Variants in KALRN observed in about 807,000 individuals in gnomAD.
The protein encoded by KALRN is kalirin RhoGEF kinase, also known as kalirin.
In KALRN, 70 loss-of-function variants were observed where a neutral mutation model predicts 353.7. That is an observed-to-expected ratio of 0.20 (90% confidence interval 0.16 to 0.24). The LOEUF is 0.24. Ranked by LOEUF, KALRN falls within the 10% of genes least tolerant of loss-of-function variation. The probability of loss-of-function intolerance (pLI) is 1.00; values close to 1 mark genes in which losing one functional copy is unlikely to be tolerated. For missense variants in KALRN, 2,791 were observed against 3,756.7 expected (o/e 0.74, Z 6.72); for synonymous variants, 1,391 against 1,434.8 (o/e 0.97, Z 0.69).
At chr3:124,661,078 C>T in intron 44 of KALRN, 105 bp downstream of exon 44, 1 of 857,420 alleles carries the variant, frequency 1.2e-6, no homozygotes, top group Non-Finnish European at 2.0e-6. Context: ...CCAGGTGGAC[C>T]CCTCTCAGAC....
chr3:124,399,657 G>A (rs933504208), intron 13 of KALRN, among the ~76,000 whole-genome samples: 1 of 152,182 alleles, frequency 6.6e-6, no homozygotes, highest in African/African-American at 2.4e-5. Flanking sequence ...CACAGGAAGG[G>A]GAACCTGTAT....
chr3:124,057,783 T>C (rs977053149), intron 1 of KALRN, among the ~76,000 whole-genome samples: 3 of 152,162 alleles, frequency 2.0e-5, no homozygotes, highest in Non-Finnish European at 2.9e-5. Context: ...GGACCCGCTG[T>C]CCTTTCCATC....
At chr3:124,312,303 G>C (rs1294422931) in intron 6 of KALRN, among the ~76,000 whole-genome samples, 1 of 152,148 alleles carries the variant, frequency 6.6e-6, no homozygotes, top group African/African-American at 2.4e-5. Flanking sequence ...TGGGATTACA[G>C]GCACCCGCCA....
intron 27 of KALRN, among the ~76,000 whole-genome samples, chr3:124,480,003 G>A (rs1162355451): frequency 2.0e-5 from 3 of 152,124 alleles, no homozygotes; most frequent in Admixed American, 6.6e-5. Flanking sequence ...GACTACAGGC[G>A]TGAGCCACCG....
chr3:124,107,472 G>T (rs2149471966), intron 1 of KALRN, among the ~76,000 whole-genome samples: 1 of 152,324 alleles, frequency 6.6e-6, no homozygotes, highest in South Asian at 2.1e-4. Flanking sequence ...AGACAATGTG[G>T]TTGGAACGCA....
intron 1 of KALRN, among the ~76,000 whole-genome samples, chr3:124,221,495 C>T (rs1347513899): frequency 6.6e-6 from 1 of 152,130 alleles, no homozygotes; most frequent in Non-Finnish European, 1.5e-5. Context: ...CACATAAATG[C>T]CATTCAGGAG....
At chr3:124,301,839 A>G (rs1367711224) in intron 6 of KALRN, among the ~76,000 whole-genome samples, 1 of 152,188 alleles carries the variant, frequency 6.6e-6, no homozygotes, top group African/African-American at 2.4e-5. Flanking sequence ...AATTATACAC[A>G]CACATATACA....
intron 1 of KALRN, among the ~76,000 whole-genome samples, chr3:124,041,455 T>G (rs2039960089): frequency 6.6e-6 from 1 of 152,244 alleles, no homozygotes; most frequent in South Asian, 2.1e-4. Context: ...TGATTTAATC[T>G]GATTTCCATG....
intron 50 of KALRN, chr3:124,678,550 T>C (rs1280584661): frequency 2.7e-6 from 1 of 376,078 alleles, no homozygotes; most frequent in Non-Finnish European, 5.0e-6. Flanking sequence ...TTTCTCTTTA[T>C]ACTGTGCAGA....
intron 1 of KALRN, among the ~76,000 whole-genome samples, chr3:124,054,841 T>C (rs957660504): frequency 3.3e-5 from 5 of 152,228 alleles, no homozygotes; most frequent in Non-Finnish European, 5.9e-5. Context: ...CTAATTAACA[T>C]TGGTTAAATT....
intron 34 of KALRN, among the ~76,000 whole-genome samples, chr3:124,574,655 C>T (rs1392405648): frequency 6.6e-6 from 1 of 152,180 alleles, no homozygotes; most frequent in Non-Finnish European, 1.5e-5. Flanking sequence ...ACAGAATGTT[C>T]CCCCAGAGGA....
intron 1 of KALRN, among the ~76,000 whole-genome samples, chr3:124,199,586 A>T (rs889247096): frequency 3.3e-5 from 5 of 152,240 alleles, no homozygotes; most frequent in African/African-American, 1.2e-4. Context: ...ACCATGCTAA[A>T]TGCTGAGAAA....
intron 34 of KALRN, among the ~76,000 whole-genome samples, chr3:124,615,843 T>C (rs1292852218): frequency 6.6e-6 from 1 of 152,096 alleles, no homozygotes; most frequent in Non-Finnish European, 1.5e-5. Flanking sequence ...AAGTGTAGGA[T>C]GAAACACTGA....
At chr3:124,166,980 G>C (rs1200476534) in intron 1 of KALRN, among the ~76,000 whole-genome samples, 1 of 152,144 alleles carries the variant, frequency 6.6e-6, no homozygotes, top group Non-Finnish European at 1.5e-5. Flanking sequence ...GGGAGGCAGA[G>C]GTTGCAGTGA....
chr3:124,545,482 G>C (rs1031997104), intron 33 of KALRN, among the ~76,000 whole-genome samples: 1 of 151,992 alleles, frequency 6.6e-6, no homozygotes, highest in East Asian at 1.9e-4. Flanking sequence ...TTTTTTTCAA[G>C]AATCCATTTC....
chr3:124,091,430 A>G (rs938189291), intron 1 of KALRN, among the ~76,000 whole-genome samples: 51 of 152,090 alleles, frequency 3.4e-4, no homozygotes, highest in African/African-American at 1.2e-3. Flanking sequence ...GATTTGGGAT[A>G]TGGTTGGATC....
chr3:124,480,502 A>G (rs867324758), intron 27 of KALRN, among the ~76,000 whole-genome samples: 1 of 152,170 alleles, frequency 6.6e-6, no homozygotes, highest in Middle Eastern at 3.2e-3. Context: ...ATGCCCCTAC[A>G]TTGCATACCT....
intron 29 of KALRN, among the ~76,000 whole-genome samples, chr3:124,489,327 C>CA (rs901570293): frequency 2.6e-5 from 4 of 152,086 alleles, no homozygotes; most frequent in African/African-American, 7.2e-5. Context: ...AACAAACAAA[C>CA]AAAAAGACTT....
chr3:124,469,551 A>G (rs903163356), intron 25 of KALRN, among the ~76,000 whole-genome samples: 2 of 152,176 alleles, frequency 1.3e-5, no homozygotes, highest in African/African-American at 4.8e-5. Context: ...GATTCTTTAG[A>G]AATAATCTCT....
Sources: gnomAD v4.1 joint callset for allele counts (sites outside exome capture counted in the v4.1 genomes callset) on GRCh38, gnomAD v4.1.1 for gene constraint, MANE v1.5 for transcripts, NCBI Gene and HGNC (gene_info 2026-07-23, HGNC 2026-07-21) for gene names.